Variants in CCSER1 observed in about 807,000 individuals in gnomAD.
CCSER1 encodes coiled-coil serine rich protein 1, also known as serine-rich coiled-coil domain-containing protein 1.
CCSER1 carries 41 observed loss-of-function variants against 82.0 expected under a neutral mutation model. The ratio of observed to expected loss-of-function variants is 0.50; its 90% CI spans 0.39 to 0.65. The LOEUF (loss-of-function observed/expected upper bound fraction) is 0.65. Among genes scored for constraint, CCSER1 ranks in the 30% least tolerant of loss-of-function variants. The probability of loss-of-function intolerance (pLI) is 0.00; values close to 1 mark genes in which losing one functional copy is unlikely to be tolerated. For missense variants in CCSER1, 1,119 were observed against 1,064.2 expected (o/e 1.05, Z -0.72); for synonymous variants, 414 against 383.9 (o/e 1.08, Z -0.92).
At chr4:90,517,146 A>T (rs985934707) in intron 5 of CCSER1, among the ~76,000 whole-genome samples, 3 of 152,192 alleles carry the variant, frequency 2.0e-5, no homozygotes, top group African/African-American at 4.8e-5. Flanking sequence ...TAGCAAAATC[A>T]TCTAACACGA....
At chr4:91,105,234 C>A (rs760998616) in intron 10 of CCSER1, among the ~76,000 whole-genome samples, 2 of 151,394 alleles carry the variant, frequency 1.3e-5, no homozygotes, top group Admixed American at 1.3e-4. Context: ...AGGGCTTTAC[C>A]GTATAAATTA....
Position 90,138,008 on chromosome 4 carries a change from C to T in CCSER1, c.-42+10177C>T, listed in dbSNP as rs1053452090. On this transcript the variant is annotated intron_variant, in intron 1 of 10. Coordinates refer to ENST00000509176, the MANE Select transcript of CCSER1 (RefSeq NM_001145065.2). ...AGTATCAAATCTCCATTGAAAGTAT[C>T]ATAATTCACTGCTTGTTTGTACTTA... Among the ~76,000 whole-genome samples the T allele has an allele frequency of 2.6e-5, 4 of 152,122 alleles. No individual in the cohort carries two copies. In the South Asian group the frequency reaches 8.3e-4, roughly 32 times the overall value.
intron 8 of CCSER1, among the ~76,000 whole-genome samples, chr4:90,857,782 A>T (rs1764628855): frequency 6.6e-6 from 1 of 152,112 alleles, no homozygotes; most frequent in African/African-American, 2.4e-5. Context: ...GGTAGTAAAT[A>T]TGCAGGATTA....
At chr4:90,585,520 TGCTTTC>T (rs1358073376) in intron 5 of CCSER1, among the ~76,000 whole-genome samples, 10 of 152,206 alleles carry the variant, frequency 6.6e-5, no homozygotes, top group African/African-American at 1.9e-4. Context: ...TACTCTAAAA[TGCTTTC>T]TTATTCTTAT....
rs111327899 is a variant in CCSER1 at position 90,562,700 on chromosome 4, G to A, written c.1725-65325G>A. On this transcript the variant is annotated intron_variant, in intron 5 of 10. Coordinates refer to ENST00000509176, the MANE Select transcript of CCSER1 (RefSeq NM_001145065.2). ...CTACAGGTGTGTGCCACCACACCCA[G>A]CTAATTTTTGTATTTTTAGTAGAGA... is the stretch of plus-strand genomic sequence containing the variant. 4.8e-3 allele frequency among the ~76,000 whole-genome samples: 733 copies of A among 151,954 alleles called. 9 individuals are homozygous for A. Among genetic ancestry groups the A allele is most frequent in the African/African-American group, 0.017 (701 of 41,448 alleles).
chr4:91,158,065 T>C (rs939930835), intron 10 of CCSER1, among the ~76,000 whole-genome samples: 7 of 151,994 alleles, frequency 4.6e-5, no homozygotes, highest in Non-Finnish European at 1.0e-4. Context: ...GAGCCTACTG[T>C]CTTTGTGATT....
At chr4:91,180,236 C>A (rs1003655909) in intron 10 of CCSER1, among the ~76,000 whole-genome samples, 5 of 152,198 alleles carry the variant, frequency 3.3e-5, no homozygotes, top group Non-Finnish European at 5.9e-5. Flanking sequence ...AGTTGTCTCC[C>A]AGTTAGGCTA....
chr4:91,479,241 AC>A (rs201526835), intron 10 of CCSER1, among the ~76,000 whole-genome samples: 1,585 of 151,648 alleles, frequency 0.01, 13 homozygotes, highest in Middle Eastern at 0.021. Flanking sequence ...CGTTTAGTTT[AC>A]TCTGGTCTTA....
chr4:91,050,653 T>G (rs1742928666), intron 9 of CCSER1, among the ~76,000 whole-genome samples: 1 of 152,148 alleles, frequency 6.6e-6, no homozygotes. Flanking sequence ...TTTGTCTTGT[T>G]TCAACTAGTC....
chr4:90,527,536 A>G (rs901532923), intron 5 of CCSER1, among the ~76,000 whole-genome samples: 4 of 152,186 alleles, frequency 2.6e-5, no homozygotes, highest in African/African-American at 9.7e-5. Flanking sequence ...ATTAATTACA[A>G]TATTTGCCAA....
chr4:90,548,059 G>A (rs1776990971), intron 5 of CCSER1, among the ~76,000 whole-genome samples: 1 of 152,062 alleles, frequency 6.6e-6, no homozygotes, highest in Non-Finnish European at 1.5e-5. Flanking sequence ...GGTATTGAGT[G>A]TGTATTCTTA....
At chr4:90,688,322 T>C (rs112673196) in intron 6 of CCSER1, among the ~76,000 whole-genome samples, 3,155 of 152,246 alleles carry the variant, frequency 0.021, 100 homozygotes, top group African/African-American at 0.072. Flanking sequence ...CGTGCATGTG[T>C]GTGTGCATGC....
At chr4:90,170,938 A>G (rs750769442) in intron 1 of CCSER1, among the ~76,000 whole-genome samples, 1 of 151,926 alleles carries the variant, frequency 6.6e-6, no homozygotes. Flanking sequence ...TGATAGCACA[A>G]CAGTGTGATT....
chr4:91,006,727 G>A (rs761743295), intron 9 of CCSER1, among the ~76,000 whole-genome samples: 4 of 151,936 alleles, frequency 2.6e-5, no homozygotes, highest in Non-Finnish European at 5.9e-5. Context: ...TCCTGACCTC[G>A]TGATCCACCC....
intron 7 of CCSER1, among the ~76,000 whole-genome samples, chr4:90,752,324 C>T (rs892152896): frequency 6.6e-6 from 1 of 152,026 alleles, no homozygotes; most frequent in Non-Finnish European, 1.5e-5. Flanking sequence ...AGTTCTTTTA[C>T]AATTGCAGGG....
chr4:91,384,247 G>A (rs2149342159), intron 10 of CCSER1, among the ~76,000 whole-genome samples: 1 of 152,122 alleles, frequency 6.6e-6, no homozygotes, highest in Middle Eastern at 3.4e-3. Context: ...CAAAATCTTT[G>A]TAGTTTGGCT....
At chr4:91,256,554 C>T (rs540054383) in intron 10 of CCSER1, among the ~76,000 whole-genome samples, 1 of 152,184 alleles carries the variant, frequency 6.6e-6, no homozygotes, top group East Asian at 1.9e-4. Flanking sequence ...TGTGATGTCT[C>T]CCAAGGCTTT....
intron 10 of CCSER1, among the ~76,000 whole-genome samples, chr4:91,477,211 A>G (rs1757643103): frequency 6.6e-6 from 1 of 151,842 alleles, no homozygotes; most frequent in Non-Finnish European, 1.5e-5. Flanking sequence ...GAACTCAAAT[A>G]ACTTAATAGT....
chr4:90,422,278 A>C (rs1264039376), intron 4 of CCSER1, among the ~76,000 whole-genome samples: 2 of 152,176 alleles, frequency 1.3e-5, no homozygotes, highest in Non-Finnish European at 2.9e-5. Flanking sequence ...AGAGTGCTCA[A>C]TTCAACAACG....
Sources: gnomAD v4.1 joint callset for allele counts (sites outside exome capture counted in the v4.1 genomes callset) on GRCh38, gnomAD v4.1.1 for gene constraint, MANE v1.5 for transcripts, NCBI Gene and HGNC (gene_info 2026-07-23, HGNC 2026-07-21) for gene names.